Variants in KIRREL3 observed in about 807,000 individuals in gnomAD.
The protein encoded by KIRREL3 is kin of IRRE-like protein 3.
Under a neutral mutation model 89.7 loss-of-function variants are expected in KIRREL3, and 36 were observed. That is an observed-to-expected ratio of 0.40 (90% CI 0.31 to 0.53). KIRREL3 has a LOEUF of 0.53. Ranked by LOEUF, KIRREL3 falls within the 20% of genes least tolerant of loss-of-function variation. The probability of loss-of-function intolerance (pLI) is 0.49; values close to 1 mark genes in which losing one functional copy is unlikely to be tolerated. For synonymous variants in KIRREL3, 445 were observed against 441.4 expected, an observed-to-expected ratio of 1.01 and a Z score of -0.10; for missense variants, 864 against 1,056.6, an observed-to-expected ratio of 0.82 and a Z score of 2.53.
chr11:126,673,688 G>T (rs991588302), intron 1 of KIRREL3, among the ~76,000 whole-genome samples: 1 of 152,208 alleles, frequency 6.6e-6, no homozygotes, highest in African/African-American at 2.4e-5. Context: ...CCTGGAGCAG[G>T]ACAGGGAGGA....
chr11:126,521,299 T>G lies in KIRREL3; in HGVS notation c.433+16A>C. On this transcript the variant is annotated intron_variant, in intron 4 of 16. Transcript: ENST00000525144. The surrounding 1 kb of genome is among the most constrained non-coding windows in gnomAD (Gnocchi z 4.1). Reference sequence around the variant, plus strand: ...CTTCACGCAGTGTCCCAGCCCCGTGTGCAGATGGTTCTTACCCAGGACTGT... The same window carrying G: ...CTTCACGCAGTGTCCCAGCCCCGTGGGCAGATGGTTCTTACCCAGGACTGT... 6.5e-7 allele frequency: 1 copy of G among 1,527,754 alleles called. No individual in the cohort carries two copies. The highest frequency in any genetic ancestry group is 8.8e-7 in the Non-Finnish European group (1 of 1,131,710). 94.6% of individuals were successfully genotyped at this position (1,527,754 alleles called of 1,614,324 possible). A position where few individuals can be genotyped will look rare whatever the true frequency, so the allele number is the denominator to read the frequency against.
At chr11:126,661,007 A>G (rs551625063) in intron 1 of KIRREL3, among the ~76,000 whole-genome samples, 1 of 152,336 alleles carries the variant, frequency 6.6e-6, no homozygotes, top group East Asian at 1.9e-4. Context: ...CCTAGTCTCT[A>G]AAGAAACCAC....
Position 126,723,286 on chromosome 11 carries a change from T to C in KIRREL3, c.56-160374A>G, listed in dbSNP as rs1239834210. Among the ~76,000 whole-genome samples the C allele has an allele frequency of 1.3e-5, 2 of 152,162 alleles. No individual in the cohort carries two copies. The highest frequency in any genetic ancestry group is 4.8e-5 in the African/African-American group (2 of 41,426). ...CACACTTTTAGTAGGGGCTAAGCTATGTTTGTGGAGTAGAATGAAAGGCAA... is the reference window on the plus strand; with the variant it reads ...CACACTTTTAGTAGGGGCTAAGCTACGTTTGTGGAGTAGAATGAAAGGCAA... On this transcript the variant is annotated intron_variant, in intron 1 of 16. Transcript: ENST00000525144. This position sits in a 1 kb window ranked among gnomAD's most constrained non-coding sequence, Gnocchi z 4.0.
intron 1 of KIRREL3, among the ~76,000 whole-genome samples, chr11:126,743,291 C>T (rs1949040356): frequency 6.6e-6 from 1 of 152,196 alleles, no homozygotes; most frequent in African/African-American, 2.4e-5. Flanking sequence ...TGAGCCTGGA[C>T]TAGCTTCATG....
chr11:126,938,307 A>G (rs1948293593), intron 1 of KIRREL3, among the ~76,000 whole-genome samples: 1 of 152,152 alleles, frequency 6.6e-6, no homozygotes, highest in East Asian at 1.9e-4. Context: ...AAAGCCACCT[A>G]TTGGGTTCCA....
intron 1 of KIRREL3, among the ~76,000 whole-genome samples, chr11:126,865,028 C>T (rs1944872048): frequency 6.6e-6 from 1 of 152,200 alleles, no homozygotes; most frequent in Admixed American, 6.5e-5. Context: ...CCCACCCATA[C>T]CTGGGGCACT....
At chr11:126,792,544 T>C (rs1381060618) in intron 1 of KIRREL3, among the ~76,000 whole-genome samples, 2 of 152,186 alleles carry the variant, frequency 1.3e-5, no homozygotes, top group African/African-American at 4.8e-5. Flanking sequence ...CCAGCAATTC[T>C]TCAGGTATAA....
rs1417585366 is a variant in KIRREL3 at position 126,719,748 on chromosome 11, A to G, written c.56-156836T>C. On this transcript the variant is annotated intron_variant, in intron 1 of 16. Coordinates refer to ENST00000525144, the MANE Select transcript of KIRREL3 (RefSeq NM_032531.4). This position sits in a 1 kb window ranked among gnomAD's most constrained non-coding sequence, Gnocchi z 4.7. ...TACTTTATCTTTCAATCTTTTATCC[A>G]GAAAATGACCACTTCTTACAACCTC... 1.3e-5 allele frequency among the ~76,000 whole-genome samples: 2 copies of G among 152,170 alleles called. No homozygotes were observed. The highest frequency in any genetic ancestry group is 4.8e-5 in the African/African-American group (2 of 41,430).
chr11:126,892,025 G>A lies in KIRREL3; in HGVS notation c.55+108430C>T, dbSNP rs1239212612. Among the ~76,000 whole-genome samples the A allele has an allele frequency of 6.6e-6, 1 of 152,180 alleles. No individual in the cohort carries two copies. The highest frequency in any genetic ancestry group is 1.5e-5 in the Non-Finnish European group (1 of 68,030). On this transcript the variant is annotated intron_variant, in intron 1 of 16. Transcript: ENST00000525144. The surrounding 1 kb of genome is among the most constrained non-coding windows in gnomAD (Gnocchi z 5.4). ...CCCCTTCCTTCCATGCCCAGCTGGA[G>A]ACAGAATGCTGGACTCTGGGTGCCT...
chr11:126,761,301 C>T lies in KIRREL3; in HGVS notation c.56-198389G>A, dbSNP rs1477820445. 6.6e-6 allele frequency among the ~76,000 whole-genome samples: 1 copy of T among 152,222 alleles called. No individual in the cohort carries two copies. The highest frequency in any genetic ancestry group is 1.5e-5 in the Non-Finnish European group (1 of 68,036). ...CCCAGGCAAAGGTATTCACAAACCTCCCTGGGGGCTCACCAGAGGGGACTG... is the reference window on the plus strand; with the variant it reads ...CCCAGGCAAAGGTATTCACAAACCTTCCTGGGGGCTCACCAGAGGGGACTG... On this transcript the variant is annotated intron_variant, in intron 1 of 16. Coordinates refer to ENST00000525144, the MANE Select transcript of KIRREL3 (RefSeq NM_032531.4). The surrounding 1 kb of genome is among the most constrained non-coding windows in gnomAD (Gnocchi z 4.4).
chr11:126,951,211 C>T (rs1948765024), intron 1 of KIRREL3, among the ~76,000 whole-genome samples: 1 of 152,140 alleles, frequency 6.6e-6, no homozygotes, highest in South Asian at 2.1e-4. Context: ...GGAGCCTGCA[C>T]CTTTTGCTTT....
At chr11:126,916,581 A>T (rs1206618851) in intron 1 of KIRREL3, among the ~76,000 whole-genome samples, 1 of 152,160 alleles carries the variant, frequency 6.6e-6, no homozygotes, top group Non-Finnish European at 1.5e-5. Context: ...ACTGATCGGT[A>T]CAGAAAGCCA....
At position 126,501,439 on chromosome 11, in the gene KIRREL3, G is replaced by A. The variant is rs1188080856; in HGVS notation, c.433+19876C>T. Among the ~76,000 whole-genome samples the A allele has an allele frequency of 1.3e-5, 2 of 152,190 alleles. No individual in the cohort carries two copies. Among genetic ancestry groups the A allele is most frequent in the Non-Finnish European group, 2.9e-5 (2 of 68,034 alleles). ...TCCTCTGGGGAGCGAGGGTGCCCAG[G>A]TGGGGAAGGCAGAGCGCAGGTCGAG... On this transcript the variant is annotated intron_variant, in intron 4 of 16. Transcript: ENST00000525144. The surrounding 1 kb of genome is among the most constrained non-coding windows in gnomAD (Gnocchi z 5.8).
chr11:126,821,329 G>GTATA (rs6144553), intron 1 of KIRREL3, among the ~76,000 whole-genome samples: 12,699 of 103,264 alleles, frequency 0.12, 2,220 homozygotes, highest in East Asian at 0.35. Flanking sequence ...GATAAACACA[G>GTATA]TATATATATA....
At position 126,942,498 on chromosome 11, in the gene KIRREL3, C is replaced by T. The variant is rs1948484326; in HGVS notation, c.55+57957G>A. Reference sequence around the variant, plus strand: ...TAGCCATGGATTCAGGGAACAGAAGCTGGCCCTTCTGTGGAAGTCCCGGCT... The same window carrying T: ...TAGCCATGGATTCAGGGAACAGAAGTTGGCCCTTCTGTGGAAGTCCCGGCT... On this transcript the variant is annotated intron_variant, in intron 1 of 16. Coordinates refer to ENST00000525144, the MANE Select transcript of KIRREL3 (RefSeq NM_032531.4). Among the ~76,000 whole-genome samples the T allele has an allele frequency of 2.0e-5, 3 of 152,190 alleles. No individual in the cohort carries two copies. The South Asian group carries it at 6.2e-4, about 32-fold the overall frequency.
intron 1 of KIRREL3, among the ~76,000 whole-genome samples, chr11:126,929,690 C>T (rs894580526): frequency 6.6e-6 from 1 of 152,170 alleles, no homozygotes; most frequent in Non-Finnish European, 1.5e-5. Context: ...GCCTAGAAAC[C>T]AAAAATCCAG....
chr11:126,859,486 C>A (rs1252089813), intron 1 of KIRREL3, among the ~76,000 whole-genome samples: 2 of 152,238 alleles, frequency 1.3e-5, no homozygotes, highest in South Asian at 4.2e-4. Flanking sequence ...CAATGGATAG[C>A]AGCCTCAAAG....
Position 126,857,941 on chromosome 11 carries a change from T to C in KIRREL3, c.55+142514A>G, listed in dbSNP as rs1944585093. Reference sequence around the variant, plus strand: ...TTGGGGAAATTCACTGTGTCGTGCCTCAGCCTTGCCCCAGACAGCCACAGG... The same window carrying C: ...TTGGGGAAATTCACTGTGTCGTGCCCCAGCCTTGCCCCAGACAGCCACAGG... On this transcript the variant is annotated intron_variant, in intron 1 of 16. Coordinates refer to ENST00000525144, the MANE Select transcript of KIRREL3 (RefSeq NM_032531.4). Among the ~76,000 whole-genome samples the C allele has an allele frequency of 2.6e-5, 4 of 152,160 alleles. 1 individual carries two copies. Among genetic ancestry groups the C allele is most frequent in the Admixed American group, 2.6e-4 (4 of 15,280 alleles).
At chr11:126,786,674 A>C (rs1950496979) in intron 1 of KIRREL3, among the ~76,000 whole-genome samples, 1 of 152,224 alleles carries the variant, frequency 6.6e-6, no homozygotes, top group Non-Finnish European at 1.5e-5. Context: ...TAGTTGAGGA[A>C]AACAGGCCAA....
Sources: allele counts gnomAD v4.1 joint callset (sites outside exome capture counted in the v4.1 genomes callset), GRCh38; gene constraint gnomAD v4.1.1; non-coding constraint Gnocchi (gnomAD v3.1); transcripts MANE v1.5; gene names NCBI Gene and HGNC (gene_info 2026-07-23, HGNC 2026-07-21).